The following NFIA variants were observed in gnomAD, a reference collection of about 807,000 sequenced individuals.
NFIA encodes the protein nuclear factor 1 A-type.
In NFIA, 8 loss-of-function variants were observed where a neutral mutation model predicts 62.8. That is an observed-to-expected ratio of 0.13 (90% CI 0.07 to 0.23). The LOEUF (loss-of-function observed/expected upper bound fraction) is 0.23. Among genes scored for constraint, NFIA ranks in the 10% least tolerant of loss-of-function variants. NFIA has a pLI of 1.00. For synonymous variants in NFIA, 235 were observed against 238.1 expected (o/e 0.99, Z 0.12); for missense variants, 410 against 642.1 (o/e 0.64, Z 3.91).
At chr1:61,316,524 C>T (rs978288437) in intron 3 of NFIA, among the ~76,000 whole-genome samples, 7 of 152,110 alleles carry the variant, frequency 4.6e-5, no homozygotes, top group Non-Finnish European at 1.0e-4. Flanking sequence ...TTCAGTGGTG[C>T]AGGCCAGGGA....
intron 10 of NFIA, among the ~76,000 whole-genome samples, chr1:61,438,854 G>A (rs1347769627): frequency 6.6e-6 from 1 of 152,072 alleles, no homozygotes; most frequent in African/African-American, 2.4e-5. Flanking sequence ...CTAATGGGGT[G>A]GTGATCCTCA....
chr1:61,335,181 G>A (rs944715803), intron 4 of NFIA, among the ~76,000 whole-genome samples: 1 of 152,178 alleles, frequency 6.6e-6, no homozygotes, highest in East Asian at 1.9e-4. Flanking sequence ...TCGTGCTGAC[G>A]GAAACTGTTT....
At chr1:61,404,906 A>G (rs1221939402) in intron 8 of NFIA, among the ~76,000 whole-genome samples, 2 of 152,226 alleles carry the variant, frequency 1.3e-5, no homozygotes, top group African/African-American at 2.4e-5. Flanking sequence ...AATAATCACA[A>G]TTTGAAATGG....
At chr1:61,353,224 A>G (rs896096736) in intron 5 of NFIA, among the ~76,000 whole-genome samples, 3 of 152,136 alleles carry the variant, frequency 2.0e-5, no homozygotes, top group Admixed American at 6.6e-5. Context: ...AAATGGAAGT[A>G]GTCACTTGCA....
chr1:61,129,941 G>A (rs1050524903), intron 2 of NFIA, among the ~76,000 whole-genome samples: 7 of 152,178 alleles, frequency 4.6e-5, no homozygotes, highest in African/African-American at 9.6e-5. Context: ...AAGAAAGGGC[G>A]GAGGGGATGC....
chr1:61,369,551 A>G (rs1421545454), intron 6 of NFIA, among the ~76,000 whole-genome samples: 1 of 152,186 alleles, frequency 6.6e-6, no homozygotes, highest in Non-Finnish European at 1.5e-5. Context: ...AACCATAGAT[A>G]TAAAGATGAA....
At chr1:61,440,458 C>T (rs945360648) in intron 10 of NFIA, among the ~76,000 whole-genome samples, 3 of 152,118 alleles carry the variant, frequency 2.0e-5, no homozygotes, top group Non-Finnish European at 4.4e-5. Flanking sequence ...GGATGAAGGC[C>T]TCCTTTTGAA....
chr1:61,336,841 T>C (rs1322657419), intron 4 of NFIA, among the ~76,000 whole-genome samples: 1 of 152,192 alleles, frequency 6.6e-6, no homozygotes, highest in African/African-American at 2.4e-5. Context: ...TTATACCTAA[T>C]TATGACTACT....
intron 2 of NFIA, among the ~76,000 whole-genome samples, chr1:61,209,653 A>G (rs1653116818): frequency 6.9e-6 from 1 of 144,120 alleles, no homozygotes; most frequent in Non-Finnish European, 1.5e-5. Context: ...GTGATACCCC[A>G]TCTCTATGAA....
At chr1:61,359,126 T>G (rs371324210) in intron 5 of NFIA, 21 bp from the exon 6 acceptor site, 1 of 1,612,276 alleles carries the variant, frequency 6.2e-7, no homozygotes, top group Admixed American at 1.7e-5. Flanking sequence ...CTTTTAAACA[T>G]GCACCCATTT....
At chr1:61,388,550 T>G (rs1664813940) in intron 7 of NFIA, among the ~76,000 whole-genome samples, 1 of 152,186 alleles carries the variant, frequency 6.6e-6, no homozygotes, top group African/African-American at 2.4e-5. Context: ...CTTTGCTGTT[T>G]TGAAGATTAA....
At chr1:61,186,086 A>T (rs933922191) in intron 2 of NFIA, among the ~76,000 whole-genome samples, 1 of 152,182 alleles carries the variant, frequency 6.6e-6, no homozygotes, top group East Asian at 1.9e-4. Flanking sequence ...ACTCAATCCT[A>T]CATTTTATTA....
At chr1:61,146,337 G>A (rs538259691) in intron 2 of NFIA, among the ~76,000 whole-genome samples, 74 of 152,264 alleles carry the variant, frequency 4.9e-4, no homozygotes, top group African/African-American at 1.7e-3. Flanking sequence ...TAGACATCTT[G>A]GTGGTTGGTC....
At chr1:61,395,456 C>G (rs12072379) in intron 7 of NFIA, among the ~76,000 whole-genome samples, 31,428 of 151,914 alleles carry the variant, frequency 0.21, 3,262 homozygotes, top group South Asian at 0.29. Flanking sequence ...GATTCCCTCC[C>G]TTTTTCTGTT....
chr1:61,184,206 G>C, intron 2 of NFIA, among the ~76,000 whole-genome samples: 1 of 151,724 alleles, frequency 6.6e-6, no homozygotes, highest in Non-Finnish European at 1.5e-5. Flanking sequence ...AATGGGACTC[G>C]GCTTGCTTCT....
At chr1:61,170,689 C>A (rs1166431806) in intron 2 of NFIA, among the ~76,000 whole-genome samples, 1 of 152,090 alleles carries the variant, frequency 6.6e-6, no homozygotes, top group African/African-American at 2.4e-5. Context: ...AAATTGCATT[C>A]TTCGTGGTGT....
intron 2 of NFIA, among the ~76,000 whole-genome samples, chr1:61,193,471 T>A (rs1185308836): frequency 6.6e-6 from 1 of 152,208 alleles, no homozygotes; most frequent in Non-Finnish European, 1.5e-5. Context: ...TCCCTTCCTG[T>A]CTAAAGAGAG....
At chr1:61,145,958 A>C (rs140593313) in intron 2 of NFIA, among the ~76,000 whole-genome samples, 4 of 152,266 alleles carry the variant, frequency 2.6e-5, no homozygotes, top group African/African-American at 9.6e-5. Context: ...AATCAACATG[A>C]ACTTAATGGT....
At chr1:61,215,173 C>T (rs1223384741) in intron 2 of NFIA, among the ~76,000 whole-genome samples, 1 of 152,066 alleles carries the variant, frequency 6.6e-6, no homozygotes, top group East Asian at 1.9e-4. Context: ...TTAAAAAATA[C>T]CTTTGATGGA....
Sources: gnomAD v4.1 joint callset for allele counts (sites outside exome capture counted in the v4.1 genomes callset) on GRCh38, gnomAD v4.1.1 for gene constraint, MANE v1.5 for transcripts, NCBI Gene and HGNC (gene_info 2026-07-23, HGNC 2026-07-21) for gene names.